ANKRD11: variants seen among roughly 807,000 people sequenced by gnomAD.
ANKRD11 encodes the protein ankyrin repeat domain 11.
Under a neutral mutation model 195.7 loss-of-function variants are expected in ANKRD11, and 17 were observed. The observed-to-expected ratio is 0.09, with a 90% CI of 0.06 to 0.13. ANKRD11 has a LOEUF of 0.13. Ranked by LOEUF, ANKRD11 falls within the 10% of genes least tolerant of loss-of-function variation. The pLI, the probability that ANKRD11 is intolerant of heterozygous loss-of-function variation, is 1.00. For synonymous variants in ANKRD11, 1,953 were observed against 1,528.1 expected, an observed-to-expected ratio of 1.28 and a Z score of -6.49; for missense variants, 3,735 against 3,566.1, an observed-to-expected ratio of 1.05 and a Z score of -1.21.
At chr16:89,286,667 C>A in intron 7 of ANKRD11, 1 of 1,232,812 alleles carries the variant, frequency 8.1e-7, no homozygotes, top group South Asian at 1.4e-5. Flanking sequence ...CAAGTTTCTG[C>A]AAGCTGCTTT....
intron 10 of ANKRD11, 25 bp from the exon 11 acceptor site, chr16:89,274,982 A>G (rs1448515663): frequency 1.9e-6 from 3 of 1,612,752 alleles, no homozygotes; most frequent in Non-Finnish European, 2.5e-6. Context: ...GAGTAGAGTG[A>G]GCTGGGACAC....
intron 2 of ANKRD11, among the ~76,000 whole-genome samples, chr16:89,362,131 C>T (rs142357106): frequency 1.8e-4 from 28 of 152,378 alleles, no homozygotes; most frequent in African/African-American, 6.3e-4. Flanking sequence ...CCCAATCTGA[C>T]ATGTGGCTTA....
chr16:89,353,068 G>C (rs1334155951), intron 2 of ANKRD11, among the ~76,000 whole-genome samples: 1 of 152,160 alleles, frequency 6.6e-6, no homozygotes, highest in African/African-American at 2.4e-5. Flanking sequence ...GGCTGGGCGC[G>C]GTGGCTCACG....
At chr16:89,420,172 G>C (rs965909761) in intron 1 of ANKRD11, 1 of 152,222 alleles carries the variant, frequency 6.6e-6, no homozygotes, top group African/African-American at 2.4e-5. Flanking sequence ...CAGCAAGTGT[G>C]CCACGAAGCT....
chr16:89,296,985 C>G (rs1275357256), intron 4 of ANKRD11, among the ~76,000 whole-genome samples: 1 of 152,200 alleles, frequency 6.6e-6, no homozygotes, highest in Non-Finnish European at 1.5e-5. Flanking sequence ...AGCCCAGTGT[C>G]CAGGAAGTGT....
At chr16:89,324,113 G>A (rs1234714308) in intron 2 of ANKRD11, 1 of 597,356 alleles carries the variant, frequency 1.7e-6, no homozygotes, top group Non-Finnish European at 2.3e-6. Flanking sequence ...GCCTCCCAAA[G>A]TGCCCCACGG....
intron 2 of ANKRD11, chr16:89,320,109 G>C (rs2037214098): frequency 6.6e-6 from 1 of 152,396 alleles, no homozygotes; most frequent in Non-Finnish European, 1.5e-5. Context: ...GGTGTTGTCT[G>C]AGGGTGGGGG....
chr16:89,312,796 C>G (rs574939984), intron 3 of ANKRD11, among the ~76,000 whole-genome samples: 1 of 152,238 alleles, frequency 6.6e-6, no homozygotes, highest in Non-Finnish European at 1.5e-5. Flanking sequence ...CGTGAAACCA[C>G]AGCCTGAGGT....
chr16:89,387,942 G>A (rs1358753125), intron 2 of ANKRD11, among the ~76,000 whole-genome samples: 1 of 151,016 alleles, frequency 6.6e-6, no homozygotes, highest in Non-Finnish European at 1.5e-5. Flanking sequence ...GAACCCAGGA[G>A]GCAGAGGCTG....
intron 1 of ANKRD11, chr16:89,458,874 T>C (rs1380055987): frequency 6.6e-6 from 1 of 152,302 alleles, no homozygotes; most frequent in Non-Finnish European, 1.5e-5. Context: ...AGCTGCCCAC[T>C]GGTCCTGTGG....
Position 89,279,974 on chromosome 16 carries a change from G to C in ANKRD11, c.6568C>G (p.Leu2190Val). ...CGGGTGGAGGCCTGGTCAGGAGGCA[G>C]TGCCGGCGGCTCCTCAGCCACTACG... The part of the protein sequence containing the change: ...STVVAEEPPA[L>V]PPDQASTRLP... The change falls in exon 9 of 13, where the codon CTG becomes GTG. Residue 2190 changes from leucine (L) to valine (V), a missense_variant. Leu to Val is a conservative substitution (Grantham distance 32). Coordinates refer to ENST00000301030, the MANE Select transcript of ANKRD11 (RefSeq NM_013275.6). The surrounding 1 kb of genome is among the most constrained non-coding windows in gnomAD (Gnocchi z 5.6). 6.2e-7 allele frequency: 1 copy of C among 1,610,944 alleles called. No individual in the cohort carries two copies. Among genetic ancestry groups the C allele is most frequent in the Non-Finnish European group, 8.5e-7 (1 of 1,179,896 alleles).
intron 2 of ANKRD11, chr16:89,395,877 T>C (rs949020433): frequency 6.6e-6 from 1 of 152,196 alleles, no homozygotes; most frequent in Admixed American, 6.5e-5. Context: ...TTCAACGCAC[T>C]ACGTCCCGAG....
intron 2 of ANKRD11, among the ~76,000 whole-genome samples, chr16:89,336,215 C>T (rs2038344904): frequency 6.6e-6 from 1 of 152,238 alleles, no homozygotes; most frequent in South Asian, 2.1e-4. Flanking sequence ...CTACTCAAGA[C>T]TTGAGGGGTT....
At chr16:89,383,824 A>G (rs1365514233) in intron 2 of ANKRD11, among the ~76,000 whole-genome samples, 1 of 152,222 alleles carries the variant, frequency 6.6e-6, no homozygotes, top group Non-Finnish European at 1.5e-5. Flanking sequence ...GCAAAGGTGC[A>G]GACTCCTCCC....
At chr16:89,407,713 T>G (rs1171165043) in intron 2 of ANKRD11, among the ~76,000 whole-genome samples, 1 of 151,882 alleles carries the variant, frequency 6.6e-6, no homozygotes, top group Admixed American at 6.6e-5. Context: ...AGCCAGGCAT[T>G]GTGGTGTGCC....
chr16:89,403,766 A>G (rs890325279), intron 2 of ANKRD11: 4 of 152,170 alleles, frequency 2.6e-5, no homozygotes, highest in African/African-American at 9.7e-5. Flanking sequence ...CACCTCTAAA[A>G]AAGTAAAAAT....
chr16:89,308,770 C>T (rs2036443221), intron 3 of ANKRD11, among the ~76,000 whole-genome samples: 1 of 152,166 alleles, frequency 6.6e-6, no homozygotes, highest in African/African-American at 2.4e-5. Context: ...TTCTAGAATA[C>T]AAATGGAATA....
chr16:89,286,407 G>A (rs983944976), intron 7 of ANKRD11: 13 of 677,542 alleles, frequency 1.9e-5, no homozygotes, highest in East Asian at 8.6e-5. Context: ...CTGCAGCCGC[G>A]GGGGCTCCCG....
At chr16:89,318,235 C>T (rs190539509) in intron 2 of ANKRD11, among the ~76,000 whole-genome samples, 328 of 152,328 alleles carry the variant, frequency 2.2e-3, no homozygotes, top group Admixed American at 5.8e-3. Flanking sequence ...TGGACACTCT[C>T]GGAGCATGGG....
Sources: gnomAD v4.1 joint callset for allele counts (sites outside exome capture counted in the v4.1 genomes callset) on GRCh38, gnomAD v4.1.1 for gene constraint, Gnocchi (gnomAD v3.1) non-coding constraint, MANE v1.5 for transcripts, NCBI Gene and HGNC (gene_info 2026-07-23, HGNC 2026-07-21) for gene names.